The following MAPK10 variants were observed in gnomAD, a reference collection of about 807,000 sequenced individuals.
MAPK10 encodes the protein JNK3 alpha protein kinase.
MAPK10 carries 25 observed loss-of-function variants against 59.3 expected under a neutral mutation model. That is an observed-to-expected ratio of 0.42 (90% CI 0.31 to 0.59). The LOEUF is 0.59. Among genes scored for constraint, MAPK10 ranks in the 20% least tolerant of loss-of-function variants. MAPK10 has a pLI of 0.15. For synonymous variants in MAPK10, 190 were observed against 200.5 expected, an observed-to-expected ratio of 0.95 and a Z score of 0.44; for missense variants, 351 against 568.9, an observed-to-expected ratio of 0.62 and a Z score of 3.90.
rs886059679 is a variant in MAPK10 at position 86,354,624 on chromosome 4, G to A, written c.-101C>T. ...AGTGAAGATCTGAGATGGGCCTGCT[G>A]TTGGTGTTTCTCACACTAGCCTGAA... is the stretch of plus-strand genomic sequence containing the variant. On this transcript the variant is annotated 5_prime_UTR_variant, in exon 2 of 14. Coordinates refer to ENST00000641462, the MANE Select transcript of MAPK10 (RefSeq NM_138982.4). 8.1e-7 allele frequency: 1 copy of A among 1,229,026 alleles called. No homozygotes were observed. Among genetic ancestry groups the A allele is most frequent in the East Asian group, 3.2e-5 (1 of 31,664 alleles). 76.1% of individuals were successfully genotyped at this position (1,229,026 alleles called of 1,614,324 possible).
intron 2 of MAPK10, among the ~76,000 whole-genome samples, chr4:86,218,977 TAGGGAGGA>T (rs1268571563): frequency 2.6e-5 from 4 of 152,196 alleles, no homozygotes; most frequent in African/African-American, 9.7e-5. Context: ...ACTCTTCTTG[TAGGGAGGA>T]ATTCATCATG....
chr4:86,268,543 C>T (rs2094331381), intron 2 of MAPK10: 2 of 152,346 alleles, frequency 1.3e-5, no homozygotes, highest in African/African-American at 4.8e-5. Context: ...CCTCAGGTCT[C>T]ATGCCCCTCG....
chr4:86,502,764 A>T (rs2149080000), intron 1 of MAPK10, among the ~76,000 whole-genome samples: 1 of 151,982 alleles, frequency 6.6e-6, no homozygotes, highest in South Asian at 2.1e-4. Context: ...ATAGAAAATG[A>T]CTCCCACATT....
At chr4:86,548,033 C>G (rs563003588) in intron 1 of MAPK10, among the ~76,000 whole-genome samples, 1 of 152,300 alleles carries the variant, frequency 6.6e-6, no homozygotes, top group Non-Finnish European at 1.5e-5. Flanking sequence ...AGTGGCAACC[C>G]GCTCAGGTCC....
chr4:86,574,919 T>C (rs1279194601), intron 1 of MAPK10, among the ~76,000 whole-genome samples: 1 of 152,184 alleles, frequency 6.6e-6, no homozygotes, highest in African/African-American at 2.4e-5. Flanking sequence ...ATGGTTAACA[T>C]GTCAACTTGA....
chr4:86,350,505 C>G (rs546256372), intron 2 of MAPK10, among the ~76,000 whole-genome samples: 1 of 152,078 alleles, frequency 6.6e-6, no homozygotes, highest in Non-Finnish European at 1.5e-5. Context: ...TGAGCCACCA[C>G]GTCTGGCCAA....
intron 1 of MAPK10, among the ~76,000 whole-genome samples, chr4:86,373,894 C>T (rs911943123): frequency 3.9e-5 from 6 of 152,154 alleles, no homozygotes; most frequent in Non-Finnish European, 7.3e-5. Flanking sequence ...ACAGAGCAAT[C>T]CCATTATTGA....
chr4:86,316,904 TGA>T (rs72072500), intron 2 of MAPK10, among the ~76,000 whole-genome samples: 3,899 of 103,460 alleles, frequency 0.038, 154 homozygotes, highest in African/African-American at 0.097. Flanking sequence ...TCATTTTTCA[TGA>T]GAGGGATTTT....
At chr4:86,298,355 TACTC>T (rs2095408568) in intron 2 of MAPK10, among the ~76,000 whole-genome samples, 1 of 152,198 alleles carries the variant, frequency 6.6e-6, no homozygotes, top group Admixed American at 6.5e-5. Context: ...ATAAGAATGA[TACTC>T]AATAATACAA....
chr4:86,362,601 C>A (rs1737186873), upstream of MAPK10, among the ~76,000 whole-genome samples: 2 of 152,072 alleles, frequency 1.3e-5, no homozygotes, highest in South Asian at 4.1e-4. Flanking sequence ...CAATAATAAA[C>A]ATGAACAAAC....
At chr4:86,500,450 A>C (rs766680270) in intron 1 of MAPK10, among the ~76,000 whole-genome samples, 1 of 152,192 alleles carries the variant, frequency 6.6e-6, no homozygotes, top group Non-Finnish European at 1.5e-5. Context: ...ACTTCAGTTT[A>C]ATACACAATC....
chr4:86,214,300 A>T (rs1332161021), intron 2 of MAPK10, among the ~76,000 whole-genome samples: 1 of 152,074 alleles, frequency 6.6e-6, no homozygotes, highest in African/African-American at 2.4e-5. Context: ...AAAGAGCAAA[A>T]GATATTCCTC....
rs1007330455 is a variant in MAPK10 at position 86,013,589 on chromosome 4, C to T, written c.*3639G>A. On this transcript the variant is annotated 3_prime_UTR_variant, in exon 14 of 14. Transcript: ENST00000641462. ...GAATATTTACAATTTTAAAACAAAT[C>T]AAGTTTGCTTATTTTTTTTTCCTTG... 6.6e-6 allele frequency: 1 copy of T among 152,086 alleles called. No individual in the cohort carries two copies. The highest frequency in any genetic ancestry group is 2.4e-5 in the African/African-American group (1 of 41,420). The allele number at this position is 152,086 out of a possible 1,614,324, so 9.4% of individuals were successfully genotyped here. A position where few individuals can be genotyped will look rare whatever the true frequency, so the allele number is the denominator to read the frequency against.
chr4:86,291,981 C>A (rs920811618), intron 2 of MAPK10, among the ~76,000 whole-genome samples: 5 of 152,138 alleles, frequency 3.3e-5, no homozygotes, highest in African/African-American at 1.2e-4. Flanking sequence ...TTACATTGGA[C>A]TTTTTCTCAT....
intron 1 of MAPK10, among the ~76,000 whole-genome samples, chr4:86,505,637 G>A (rs530904776): frequency 3.2e-4 from 49 of 152,136 alleles, no homozygotes; most frequent in Admixed American, 2.8e-3. Context: ...GTGAACTCCT[G>A]CGAAGACATG....
intron 1 of MAPK10, among the ~76,000 whole-genome samples, chr4:86,487,022 A>G (rs1754046522): frequency 2.0e-5 from 3 of 152,182 alleles, no homozygotes; most frequent in Admixed American, 6.5e-5. Context: ...TATATTTGAA[A>G]ATATCAGTGT....
At chr4:86,169,572 C>A (rs1187249700) in intron 3 of MAPK10, among the ~76,000 whole-genome samples, 1 of 151,998 alleles carries the variant, frequency 6.6e-6, no homozygotes, top group Non-Finnish European at 1.5e-5. Flanking sequence ...CGTGAAAAGA[C>A]CAAATCTACA....
intron 1 of MAPK10, among the ~76,000 whole-genome samples, chr4:86,582,011 A>AT (rs1381483791): frequency 6.8e-6 from 1 of 147,020 alleles, no homozygotes; most frequent in Non-Finnish European, 1.5e-5. Flanking sequence ...ACAGGAACTT[A>AT]TTTTTTGTTA....
At position 86,031,445 on chromosome 4, in the gene MAPK10, A is replaced by C; in HGVS notation, c.1111-14T>G. 1 of 1,586,642 alleles carries C rather than the reference A, an allele frequency of 6.3e-7. No individual in the cohort carries two copies. The highest frequency in any genetic ancestry group is 8.7e-7 in the Non-Finnish European group (1 of 1,155,886). On this transcript the variant is annotated splice_polypyrimidine_tract_variant and intron_variant, in intron 11 of 13. Transcript: ENST00000641462. ...CTGAGGTGGAGGCTGCCGAATAAAA[A>C]CAAAAAATAATCTTTGTGTGATAAT...
Sources: allele counts gnomAD v4.1 joint callset (sites outside exome capture counted in the v4.1 genomes callset), GRCh38; gene constraint gnomAD v4.1.1; transcripts MANE v1.5; gene names NCBI Gene and HGNC (gene_info 2026-07-23, HGNC 2026-07-21).